Variants in IQCM observed in about 807,000 individuals in gnomAD.
IQCM encodes IQ motif containing M.
Under a neutral mutation model 57.6 loss-of-function variants are expected in IQCM, and 45 were observed. The observed-to-expected ratio is 0.78, with a 90% CI of 0.62 to 1.00. The LOEUF is 1.00. Ranked by LOEUF, IQCM falls within the 50% of genes least tolerant of loss-of-function variation. The pLI, the probability that IQCM is intolerant of heterozygous loss-of-function variation, is 0.00. For missense variants in IQCM, 468 were observed against 511.6 expected (o/e 0.91, Z 0.82); for synonymous variants, 148 against 158.9 (o/e 0.93, Z 0.51).
At chr4:149,439,849 A>C (rs1735738098) in intron 12 of IQCM, among the ~76,000 whole-genome samples, 1 of 152,074 alleles carries the variant, frequency 6.6e-6, no homozygotes, top group Non-Finnish European at 1.5e-5. Context: ...TATTGGGCTC[A>C]GCATACATAA....
chr4:149,602,062 A>G (rs994679404), intron 8 of IQCM, among the ~76,000 whole-genome samples: 8 of 151,678 alleles, frequency 5.3e-5, no homozygotes, highest in African/African-American at 1.9e-4. Context: ...AAAAGAAAAA[A>G]TATGCTTTTT....
At chr4:149,522,799 C>T (rs1325813828) in intron 12 of IQCM, among the ~76,000 whole-genome samples, 2 of 152,154 alleles carry the variant, frequency 1.3e-5, no homozygotes, top group East Asian at 1.9e-4. Context: ...CTTGAATGTA[C>T]AAGTTGAAAG....
At chr4:149,419,759 A>G (rs1048009247) in intron 13 of IQCM, among the ~76,000 whole-genome samples, 3 of 152,186 alleles carry the variant, frequency 2.0e-5, no homozygotes, top group African/African-American at 7.2e-5. Flanking sequence ...AAGGTCTAAT[A>G]TCCAGAATCT....
At chr4:149,576,670 T>C (rs942362584) in intron 9 of IQCM, among the ~76,000 whole-genome samples, 7 of 152,000 alleles carry the variant, frequency 4.6e-5, no homozygotes, top group Non-Finnish European at 8.8e-5. Flanking sequence ...GTTGATTCCA[T>C]GTCTTTGCTA....
chr4:149,528,879 G>A (rs937698336), intron 12 of IQCM, among the ~76,000 whole-genome samples: 1 of 152,000 alleles, frequency 6.6e-6, no homozygotes, highest in Non-Finnish European at 1.5e-5. Context: ...GGAGCAAAAG[G>A]AAGAATTTTT....
chr4:149,519,357 C>T (rs1745348286), intron 12 of IQCM, among the ~76,000 whole-genome samples: 1 of 152,198 alleles, frequency 6.6e-6, no homozygotes, highest in Admixed American at 6.5e-5. Flanking sequence ...CGCGGTGGCT[C>T]ACGCCTGTAA....
intron 7 of IQCM, among the ~76,000 whole-genome samples, chr4:149,627,231 G>A (rs1479804933): frequency 6.6e-6 from 1 of 152,156 alleles, no homozygotes; most frequent in East Asian, 1.9e-4. Flanking sequence ...GTGTGGAATA[G>A]GAAAGTCTCC....
chr4:149,582,374 T>G (rs1752295865), intron 9 of IQCM, among the ~76,000 whole-genome samples: 1 of 92,666 alleles, frequency 1.1e-5, no homozygotes, highest in Non-Finnish European at 2.3e-5. Flanking sequence ...ATATATTTAG[T>G]TGAAATAGGC....
At chr4:149,774,770 CAAA>C (rs566184766) in intron 2 of IQCM, among the ~76,000 whole-genome samples, 3 of 110,948 alleles carry the variant, frequency 2.7e-5, no homozygotes, top group Non-Finnish European at 2.0e-5. Context: ...TTCTTAAAAC[CAAA>C]AAAAAAAAAA....
chr4:149,664,671 C>A (rs1281072481), intron 7 of IQCM, among the ~76,000 whole-genome samples: 1 of 152,128 alleles, frequency 6.6e-6, no homozygotes, highest in Non-Finnish European at 1.5e-5. Flanking sequence ...TCAGGCCAAG[C>A]ATGTTTACTC....
At chr4:149,503,644 G>T (rs1439061401) in intron 12 of IQCM, among the ~76,000 whole-genome samples, 2 of 151,804 alleles carry the variant, frequency 1.3e-5, no homozygotes, top group South Asian at 2.1e-4. Flanking sequence ...TTTTTTGAAG[G>T]TATATGCCAG....
chr4:149,511,222 T>G (rs1380547424), intron 12 of IQCM, among the ~76,000 whole-genome samples: 1 of 152,132 alleles, frequency 6.6e-6, no homozygotes, highest in Non-Finnish European at 1.5e-5. Context: ...TATCACTTTT[T>G]AAAATGTATT....
At chr4:149,792,394 C>T (rs1772714219) in intron 2 of IQCM, among the ~76,000 whole-genome samples, 1 of 151,712 alleles carries the variant, frequency 6.6e-6, no homozygotes, top group Non-Finnish European at 1.5e-5. Context: ...CCTGTCTCTA[C>T]CAAAAATAAA....
chr4:149,808,189 G>T (rs1774250336), intron 2 of IQCM, among the ~76,000 whole-genome samples: 1 of 151,956 alleles, frequency 6.6e-6, no homozygotes, highest in Admixed American at 6.6e-5. Flanking sequence ...GTGGATAAAA[G>T]GATAAAATGT....
chr4:149,382,243 T>A (rs148658580), intron 13 of IQCM, among the ~76,000 whole-genome samples: 2 of 152,150 alleles, frequency 1.3e-5, no homozygotes, highest in African/African-American at 4.8e-5. Context: ...AATAAGTGAA[T>A]AAGTGAATTC....
intron 13 of IQCM, among the ~76,000 whole-genome samples, chr4:149,365,663 T>C (rs1372169044): frequency 6.6e-6 from 1 of 152,164 alleles, no homozygotes; most frequent in African/African-American, 2.4e-5. Context: ...ATGTTCCCAC[T>C]GATATGATGA....
At chr4:149,372,813 A>G (rs1730451160) in intron 13 of IQCM, among the ~76,000 whole-genome samples, 2 of 152,102 alleles carry the variant, frequency 1.3e-5, no homozygotes, top group African/African-American at 4.8e-5. Context: ...TTGAGGGACA[A>G]AATTAGTGGT....
At chr4:149,439,421 T>C (rs927977417) in intron 12 of IQCM, among the ~76,000 whole-genome samples, 1 of 152,098 alleles carries the variant, frequency 6.6e-6, no homozygotes, top group African/African-American at 2.4e-5. Context: ...GGGCTTTAGA[T>C]AGAAACACAT....
At chr4:149,417,766 G>T (rs1025321175) in intron 13 of IQCM, among the ~76,000 whole-genome samples, 1 of 151,548 alleles carries the variant, frequency 6.6e-6, no homozygotes, top group African/African-American at 2.4e-5. Context: ...CCAAGCTAGT[G>T]GGGATATGTT....
Sources: gnomAD v4.1 joint callset for allele counts (sites outside exome capture counted in the v4.1 genomes callset) on GRCh38, gnomAD v4.1.1 for gene constraint, MANE v1.5 for transcripts, NCBI Gene and HGNC (gene_info 2026-07-23, HGNC 2026-07-21) for gene names.